SGCZ: variants seen among roughly 807,000 people sequenced by gnomAD.
SGCZ encodes the protein sarcoglycan zeta, also known as zeta-sarcoglycan.
SGCZ carries 40 observed loss-of-function variants against 41.3 expected under a neutral mutation model. The observed-to-expected ratio is 0.97, with a 90% CI of 0.75 to 1.26. SGCZ has a LOEUF of 1.26. Among genes scored for constraint, SGCZ ranks in the 50% most tolerant of loss-of-function variants. The pLI, the probability that SGCZ is intolerant of heterozygous loss-of-function variation, is 0.00. For missense variants in SGCZ, 552 were observed against 369.8 expected (o/e 1.49, Z -4.04); for synonymous variants, 206 against 137.5 (o/e 1.50, Z -3.49).
chr8:14,182,368 T>C (rs984292815), intron 4 of SGCZ, among the ~76,000 whole-genome samples: 1 of 152,026 alleles, frequency 6.6e-6, no homozygotes, highest in Non-Finnish European at 1.5e-5. Flanking sequence ...GGAAATCCAG[T>C]CTTATTGCTC....
intron 1 of SGCZ, among the ~76,000 whole-genome samples, chr8:15,172,449 G>A: frequency 6.6e-6 from 1 of 152,068 alleles, no homozygotes; most frequent in African/African-American, 2.4e-5. Context: ...TTATAAAATA[G>A]AAATCAAATG....
chr8:14,264,752 G>A lies in SGCZ; in HGVS notation c.337-27073C>T, dbSNP rs538583439. Among the ~76,000 whole-genome samples, 10 of 152,254 alleles carry A rather than the reference G, an allele frequency of 6.6e-5. No individual in the cohort carries two copies. The South Asian group carries it at 1.9e-3, about 28-fold the overall frequency. ...CGAGGCGGGCGGATCACGAGGTCAGGAGACCAAGACCATCCTGGCTAACAC... is the reference window on the plus strand; with the variant it reads ...CGAGGCGGGCGGATCACGAGGTCAGAAGACCAAGACCATCCTGGCTAACAC... On this transcript the variant is annotated intron_variant, in intron 3 of 7. Coordinates refer to ENST00000382080, the MANE Select transcript of SGCZ (RefSeq NM_139167.4).
rs566891818 is a variant in SGCZ, at chr8:14,249,990, A to G, written c.337-12311T>C. Reference sequence around the variant, plus strand: ...AGACACAACTAAGAAGATTACTCCAACCCAGTGCTTACAAATCAATAATGT... The same window carrying G: ...AGACACAACTAAGAAGATTACTCCAGCCCAGTGCTTACAAATCAATAATGT... On this transcript the variant is annotated intron_variant, in intron 3 of 7. Transcript: ENST00000382080. Among the ~76,000 whole-genome samples the G allele has an allele frequency of 3.0e-4, 45 of 152,348 alleles. 1 individual carries two copies. The South Asian group carries it at 9.3e-3, about 32-fold the overall frequency.
intron 1 of SGCZ, among the ~76,000 whole-genome samples, chr8:14,876,809 G>C (rs1051787679): frequency 3.9e-5 from 6 of 152,086 alleles, no homozygotes; most frequent in Non-Finnish European, 1.5e-5. Context: ...CAAATAAGCA[G>C]AGCTACCAGA....
intron 1 of SGCZ, among the ~76,000 whole-genome samples, chr8:15,119,923 C>T (rs1209948700): frequency 6.6e-6 from 1 of 152,232 alleles, no homozygotes; most frequent in Admixed American, 6.5e-5. Flanking sequence ...CATCCTCTTG[C>T]TTCAGCCTCC....
intron 5 of SGCZ, among the ~76,000 whole-genome samples, chr8:14,122,961 T>C (rs954851917): frequency 4.6e-5 from 7 of 152,194 alleles, no homozygotes; most frequent in Non-Finnish European, 7.4e-5. Context: ...TAGAAGTATG[T>C]TGTAATCCCT....
chr8:15,209,788 A>G (rs1801183100), intron 1 of SGCZ, among the ~76,000 whole-genome samples: 1 of 152,038 alleles, frequency 6.6e-6, no homozygotes, highest in South Asian at 2.1e-4. Context: ...AATTAAAAAA[A>G]CTTTTTTTAT....
chr8:14,476,565 T>C (rs1264009610), intron 2 of SGCZ, among the ~76,000 whole-genome samples: 3 of 152,142 alleles, frequency 2.0e-5, no homozygotes, highest in Non-Finnish European at 2.9e-5. Context: ...TCTCTAACTC[T>C]TGAGAGGACA....
At chr8:14,484,857 T>A (rs1270935531) in intron 2 of SGCZ, among the ~76,000 whole-genome samples, 1 of 152,182 alleles carries the variant, frequency 6.6e-6, no homozygotes, top group African/African-American at 2.4e-5. Context: ...TTGGTGATAC[T>A]TCTGTTGCTT....
chr8:14,281,906 G>C (rs889211456), intron 3 of SGCZ, among the ~76,000 whole-genome samples: 2 of 151,686 alleles, frequency 1.3e-5, no homozygotes, highest in South Asian at 4.2e-4. Flanking sequence ...TGCCTCAAAC[G>C]ATAATTATTT....
intron 1 of SGCZ, among the ~76,000 whole-genome samples, chr8:15,185,563 C>T (rs940594419): frequency 6.6e-6 from 1 of 152,110 alleles, no homozygotes; most frequent in African/African-American, 2.4e-5. Context: ...TCTGTCTAGT[C>T]ATGCATGACT....
intron 2 of SGCZ, among the ~76,000 whole-genome samples, chr8:14,522,420 C>G (rs10888089): frequency 1 from 152,003 of 152,124 alleles, 75,941 homozygotes; most frequent in Non-Finnish European, 1. Context: ...AATTTCCTTA[C>G]GGCTCTTCAA....
Position 15,187,467 on chromosome 8 carries a change from C to T in SGCZ, c.39+50118G>A, listed in dbSNP as rs969834022. On this transcript the variant is annotated intron_variant, in intron 1 of 7. Coordinates refer to ENST00000382080, the MANE Select transcript of SGCZ (RefSeq NM_139167.4). ...AATCTCCAGACAAATGGTTATAATA[C>T]GAAATTAAATTTGATGTGATTTTAG... 5.3e-4 allele frequency among the ~76,000 whole-genome samples: 80 copies of T among 151,982 alleles called. 1 individual carries two copies. The highest frequency in any genetic ancestry group is 1.8e-3 in the African/African-American group (76 of 41,528).
intron 4 of SGCZ, among the ~76,000 whole-genome samples, chr8:14,198,578 C>T (rs919428268): frequency 1.4e-5 from 2 of 140,932 alleles, no homozygotes; most frequent in African/African-American, 5.5e-5. Context: ...CACATGTACA[C>T]CAGAATCTAA....
chr8:14,775,190 G>C (rs1364759448), intron 1 of SGCZ, among the ~76,000 whole-genome samples: 1 of 152,102 alleles, frequency 6.6e-6, no homozygotes, highest in African/African-American at 2.4e-5. Context: ...ATCACCTGGA[G>C]ATTTTGTAAT....
At chr8:14,968,513 C>A (rs181085237) in intron 1 of SGCZ, among the ~76,000 whole-genome samples, 3 of 152,160 alleles carry the variant, frequency 2.0e-5, no homozygotes, top group Admixed American at 2.0e-4. Context: ...AAATAGCATA[C>A]TCCATTTTCT....
At chr8:14,625,674 TC>T (rs1358125894) in intron 1 of SGCZ, among the ~76,000 whole-genome samples, 1 of 152,050 alleles carries the variant, frequency 6.6e-6, no homozygotes, top group East Asian at 1.9e-4. Context: ...TAAGTAATTC[TC>T]CCACCTTGGC....
At chr8:14,476,924 C>T (rs1338390824) in intron 2 of SGCZ, among the ~76,000 whole-genome samples, 1 of 152,184 alleles carries the variant, frequency 6.6e-6, no homozygotes, top group African/African-American at 2.4e-5. Context: ...TTACATTCCC[C>T]TCGTTGTGCT....
intron 1 of SGCZ, among the ~76,000 whole-genome samples, chr8:14,745,046 A>G (rs571375906): frequency 9.3e-4 from 141 of 152,328 alleles, no homozygotes; most frequent in African/African-American, 3.3e-3. Context: ...TTTACTCTGT[A>G]TAACGTAAAT....
Sources: allele counts gnomAD v4.1 joint callset (sites outside exome capture counted in the v4.1 genomes callset), GRCh38; gene constraint gnomAD v4.1.1; transcripts MANE v1.5; gene names NCBI Gene and HGNC (gene_info 2026-07-23, HGNC 2026-07-21).